The following LRP1B variants were observed in gnomAD, a reference collection of about 807,000 sequenced individuals.
LRP1B encodes the protein LDL receptor related protein 1B.
Under a neutral mutation model 556.6 loss-of-function variants are expected in LRP1B, and 217 were observed. The observed-to-expected ratio is 0.39, with a 90% confidence interval of 0.35 to 0.44. LRP1B has a LOEUF of 0.44. LRP1B is among the 20% of genes least tolerant of loss of function. The pLI is 1.00. For synonymous variants in LRP1B, 2,047 were observed against 1,865.8 expected (o/e 1.10, Z -2.50); for missense variants, 5,053 against 5,620.8 (o/e 0.90, Z 3.23).
intron 84 of LRP1B, among the ~76,000 whole-genome samples, chr2:140,293,870 G>C (rs375008240): frequency 2.6e-5 from 4 of 152,198 alleles, no homozygotes; most frequent in Middle Eastern, 6.8e-3. Flanking sequence ...TCGGGACCTT[G>C]AGCAAGTTAT....
chr2:142,013,193 CT>C lies in LRP1B; in HGVS notation c.82+117454del, dbSNP rs374222561. Among the ~76,000 whole-genome samples the C allele has an allele frequency of 8.8e-4, 134 of 151,922 alleles. 1 individual carries two copies. The East Asian group carries it at 0.022, about 25-fold the overall frequency. ...AAAATGGCGCTCATAATCCTTATTA[CT>C]TTTTTTTCAATTAAGATAGGACTGG... On this transcript the variant is annotated intron_variant, in intron 1 of 90. Transcript: ENST00000389484.
intron 3 of LRP1B, among the ~76,000 whole-genome samples, chr2:141,426,930 G>A (rs1463488554): frequency 6.6e-6 from 1 of 152,020 alleles, no homozygotes; most frequent in Non-Finnish European, 1.5e-5. Flanking sequence ...GAATGTGCAG[G>A]TTTGTTACAT....
At chr2:140,563,723 T>C (rs1681022776) in intron 43 of LRP1B, among the ~76,000 whole-genome samples, 1 of 152,216 alleles carries the variant, frequency 6.6e-6, no homozygotes, top group Non-Finnish European at 1.5e-5. Context: ...TGAGTGTATC[T>C]GGAATTACAT....
At chr2:140,398,409 C>G (rs1377132910) in intron 66 of LRP1B, among the ~76,000 whole-genome samples, 1 of 152,124 alleles carries the variant, frequency 6.6e-6, no homozygotes, top group Admixed American at 6.6e-5. Flanking sequence ...ATCTCTGGAA[C>G]CACTCATACA....
intron 1 of LRP1B, among the ~76,000 whole-genome samples, chr2:142,042,181 C>A (rs775610512): frequency 1.3e-5 from 2 of 151,268 alleles, no homozygotes; most frequent in African/African-American, 2.4e-5. Context: ...TACATTATAA[C>A]CCTGGCCTGC....
chr2:141,123,799 C>G (rs1701127057), intron 7 of LRP1B, among the ~76,000 whole-genome samples: 1 of 152,010 alleles, frequency 6.6e-6, no homozygotes, highest in Non-Finnish European at 1.5e-5. Flanking sequence ...ATTCATTAAA[C>G]TGTCCTTTGC....
chr2:140,515,552 G>A (rs898990127), intron 50 of LRP1B, among the ~76,000 whole-genome samples: 7 of 151,912 alleles, frequency 4.6e-5, no homozygotes, highest in Non-Finnish European at 1.0e-4. Flanking sequence ...ATAAACTCTT[G>A]TAAAAATAGC....
intron 3 of LRP1B, among the ~76,000 whole-genome samples, chr2:141,436,601 T>C (rs1007586734): frequency 7.1e-5 from 2 of 28,020 alleles, no homozygotes; most frequent in Non-Finnish European, 1.7e-4. Flanking sequence ...AAATCTGACC[T>C]TTCTTAGGTG....
intron 35 of LRP1B, among the ~76,000 whole-genome samples, chr2:140,719,321 C>A (rs1687320790): frequency 6.6e-6 from 1 of 151,728 alleles, no homozygotes; most frequent in South Asian, 2.1e-4. Flanking sequence ...TGGCTAACAA[C>A]CAGAAATTGT....
intron 7 of LRP1B, among the ~76,000 whole-genome samples, chr2:141,087,177 G>A (rs1700067189): frequency 6.6e-6 from 1 of 150,616 alleles, no homozygotes; most frequent in Non-Finnish European, 1.5e-5. Context: ...TATTCATTCA[G>A]AAATACTAGT....
At chr2:140,424,548 T>A (rs1407785940) in intron 66 of LRP1B, among the ~76,000 whole-genome samples, 1 of 152,228 alleles carries the variant, frequency 6.6e-6, no homozygotes, top group Non-Finnish European at 1.5e-5. Context: ...TTTTAATAGA[T>A]GACCATCTCC....
At chr2:141,183,009 T>C (rs1166208238) in intron 7 of LRP1B, among the ~76,000 whole-genome samples, 3 of 151,940 alleles carry the variant, frequency 2.0e-5, no homozygotes, top group African/African-American at 4.8e-5. Flanking sequence ...GGTCGTATGT[T>C]TAAATGTTTT....
intron 2 of LRP1B, among the ~76,000 whole-genome samples, chr2:141,585,238 CTAAGA>C (rs1687095193): frequency 6.6e-6 from 1 of 152,054 alleles, no homozygotes; most frequent in African/African-American, 2.4e-5. Flanking sequence ...ACTATATTTC[CTAAGA>C]TATTTCCAAG....
At chr2:141,913,253 G>C (rs1198321384) in intron 1 of LRP1B, among the ~76,000 whole-genome samples, 1 of 152,136 alleles carries the variant, frequency 6.6e-6, no homozygotes, top group African/African-American at 2.4e-5. Flanking sequence ...TAAGTGAAAA[G>C]GAACTGTGAG....
intron 23 of LRP1B, among the ~76,000 whole-genome samples, chr2:140,890,768 A>T (rs2105200977): frequency 6.6e-6 from 1 of 152,182 alleles, no homozygotes; most frequent in Non-Finnish European, 1.5e-5. Context: ...TTATTTCATA[A>T]ACCAGTGGGA....
intron 60 of LRP1B, among the ~76,000 whole-genome samples, chr2:140,474,109 A>G (rs529289661): frequency 6.6e-6 from 1 of 152,106 alleles, no homozygotes; most frequent in South Asian, 2.1e-4. Flanking sequence ...AAGCGCCTCT[A>G]AAAACTTCCT....
chr2:140,841,675 C>T (rs555696185), intron 29 of LRP1B, among the ~76,000 whole-genome samples: 26 of 152,122 alleles, frequency 1.7e-4, no homozygotes, highest in African/African-American at 6.0e-4. Context: ...ATTCTGAAAT[C>T]GAATTAAGTT....
intron 1 of LRP1B, among the ~76,000 whole-genome samples, chr2:141,931,945 T>A (rs1422333884): frequency 6.6e-6 from 1 of 152,116 alleles, no homozygotes; most frequent in East Asian, 1.9e-4. Flanking sequence ...CTTTCTTTTT[T>A]CTATGAGCAA....
At chr2:141,572,996 T>G (rs2200192) in intron 2 of LRP1B, among the ~76,000 whole-genome samples, 296 of 151,982 alleles carry the variant, frequency 1.9e-3, no homozygotes, top group African/African-American at 6.8e-3. Flanking sequence ...CACAATAATA[T>G]TGGGATACTT....
Sources: allele counts gnomAD v4.1 joint callset (sites outside exome capture counted in the v4.1 genomes callset), GRCh38; gene constraint gnomAD v4.1.1; transcripts MANE v1.5; gene names NCBI Gene and HGNC (gene_info 2026-07-23, HGNC 2026-07-21).